EYS: variants seen among roughly 807,000 people sequenced by gnomAD.
EYS encodes the protein EGF-like photoreceptor maintenance factor.
In EYS, 250 loss-of-function variants were observed where a neutral mutation model predicts 282.1. The ratio of observed to expected loss-of-function variants is 0.89; its 90% CI spans 0.80 to 0.98. EYS has a LOEUF of 0.98. EYS is among the 50% of genes least tolerant of loss of function. The pLI, the probability that EYS is intolerant of heterozygous loss-of-function variation, is 0.00. For synonymous variants in EYS, 1,355 were observed against 1,282.9 expected (o/e 1.06, Z -1.20); for missense variants, 4,016 against 3,709.0 (o/e 1.08, Z -2.15).
chr6:64,557,623 C>A (rs1765272299), intron 26 of EYS, among the ~76,000 whole-genome samples: 1 of 151,730 alleles, frequency 6.6e-6, no homozygotes, highest in Non-Finnish European at 1.5e-5. Flanking sequence ...ATAAAATAAA[C>A]CACAGTGATA....
At chr6:63,801,934 T>A (rs1770791555) in intron 37 of EYS, among the ~76,000 whole-genome samples, 2 of 152,180 alleles carry the variant, frequency 1.3e-5, no homozygotes, top group South Asian at 4.1e-4. Flanking sequence ...ACTTTGTGCA[T>A]CTCTTCACCT....
At chr6:65,376,368 T>A (rs1765364519) in intron 8 of EYS, among the ~76,000 whole-genome samples, 1 of 152,072 alleles carries the variant, frequency 6.6e-6, no homozygotes, top group Admixed American at 6.6e-5. Context: ...CAAGAACTCC[T>A]GAAGGGAGTA....
At chr6:64,224,403 C>G (rs1766196082) in intron 31 of EYS, among the ~76,000 whole-genome samples, 1 of 151,932 alleles carries the variant, frequency 6.6e-6, no homozygotes, top group Admixed American at 6.6e-5. Context: ...TGATTGAAAA[C>G]CATTCTAATG....
At chr6:64,745,735 G>A (rs1436746792) in intron 22 of EYS, among the ~76,000 whole-genome samples, 3 of 152,068 alleles carry the variant, frequency 2.0e-5, no homozygotes, top group Non-Finnish European at 2.9e-5. Flanking sequence ...AATTTCTTAT[G>A]GTTTTTGAAA....
chr6:64,061,859 G>A (rs1006567056), intron 33 of EYS, among the ~76,000 whole-genome samples: 8 of 151,676 alleles, frequency 5.3e-5, no homozygotes, highest in African/African-American at 1.9e-4. Flanking sequence ...GTGTGGGGAC[G>A]CACGCCTGTA....
chr6:64,608,327 G>A (rs1766998929), intron 24 of EYS, among the ~76,000 whole-genome samples: 1 of 152,124 alleles, frequency 6.6e-6, no homozygotes, highest in Non-Finnish European at 1.5e-5. Context: ...ACCAGAGAGG[G>A]AGAAGGGAAT....
intron 30 of EYS, among the ~76,000 whole-genome samples, chr6:64,272,362 A>G (rs1469853795): frequency 6.6e-6 from 1 of 152,132 alleles, no homozygotes; most frequent in Non-Finnish European, 1.5e-5. Context: ...TAGTTTCTTC[A>G]TAGTGTTGAT....
intron 22 of EYS, among the ~76,000 whole-genome samples, chr6:64,627,142 C>A (rs1463358667): frequency 6.6e-6 from 1 of 152,132 alleles, no homozygotes; most frequent in East Asian, 1.9e-4. Flanking sequence ...TTGTCGAGTG[C>A]CTACAACATG....
chr6:65,018,074 A>T (rs1772112624), intron 13 of EYS, among the ~76,000 whole-genome samples: 2 of 152,208 alleles, frequency 1.3e-5, no homozygotes, highest in South Asian at 4.1e-4. Context: ...TCTACTTTTG[A>T]CTAGAAATGA....
intron 12 of EYS, among the ~76,000 whole-genome samples, chr6:65,145,190 A>G (rs529987133): frequency 1.3e-5 from 2 of 152,192 alleles, no homozygotes; most frequent in South Asian, 4.1e-4. Context: ...GATTTTATTC[A>G]CTTAATATCT....
intron 36 of EYS, chr6:63,806,805 C>G (rs1056720268): frequency 2.6e-5 from 4 of 152,644 alleles, no homozygotes; most frequent in African/African-American, 9.7e-5. Context: ...AATCCTGCAC[C>G]TTTATCTGAG....
chr6:64,026,990 C>A (rs113937298), intron 33 of EYS, among the ~76,000 whole-genome samples: 1 of 152,146 alleles, frequency 6.6e-6, no homozygotes, highest in Non-Finnish European at 1.5e-5. Context: ...AGAGATGTCA[C>A]GCTACCGTTA....
chr6:64,755,539 C>CACAT (rs1247080300), intron 22 of EYS, among the ~76,000 whole-genome samples: 2 of 148,510 alleles, frequency 1.3e-5, no homozygotes, highest in African/African-American at 5.0e-5. Context: ...CACACACACA[C>CACAT]ACACACGGAA....
chr6:64,448,761 TC>T (rs2150475145), intron 26 of EYS, among the ~76,000 whole-genome samples: 1 of 152,282 alleles, frequency 6.6e-6, no homozygotes, highest in South Asian at 2.1e-4. Flanking sequence ...GGAGTGGACC[TC>T]CAGTAAACTC....
At chr6:64,160,840 A>G (rs2150300891) in intron 31 of EYS, among the ~76,000 whole-genome samples, 1 of 152,138 alleles carries the variant, frequency 6.6e-6, no homozygotes, top group Non-Finnish European at 1.5e-5. Context: ...CTTGGGGTCC[A>G]CTCCCAGATT....
chr6:65,608,570 C>T (rs1765884297), intron 2 of EYS, among the ~76,000 whole-genome samples: 1 of 151,970 alleles, frequency 6.6e-6, no homozygotes, highest in Non-Finnish European at 1.5e-5. Context: ...GATAAATTAA[C>T]TCACCATAAC....
chr6:65,441,583 T>C (rs1165107598), intron 5 of EYS, among the ~76,000 whole-genome samples: 2 of 151,482 alleles, frequency 1.3e-5, no homozygotes, highest in African/African-American at 4.8e-5. Context: ...ATCAAAAAGA[T>C]TATGTTAATA....
Position 64,415,376 on chromosome 6 carries a change from A to T in EYS, c.5927+20798T>A, listed in dbSNP as rs375049898. Among the ~76,000 whole-genome samples the T allele has an allele frequency of 2.0e-5, 3 of 152,196 alleles. No individual in the cohort carries two copies. The South Asian group carries it at 6.2e-4, about 31-fold the overall frequency. On this transcript the variant is annotated intron_variant, in intron 28 of 42. Coordinates refer to ENST00000503581, the MANE Select transcript of EYS (RefSeq NM_001142800.2). ...CAATTCTGCTTTTTGTGATGCTCTAAAAAACAATAAATGTTTTATTCAAAC... is the reference window on the plus strand; with the variant it reads ...CAATTCTGCTTTTTGTGATGCTCTATAAAACAATAAATGTTTTATTCAAAC...
intron 26 of EYS, among the ~76,000 whole-genome samples, chr6:64,545,738 A>G (rs1201851241): frequency 2.6e-5 from 4 of 152,110 alleles, no homozygotes; most frequent in African/African-American, 9.7e-5. Context: ...CAGACACACA[A>G]AGAGCCAAAT....
Sources: allele counts gnomAD v4.1 joint callset (sites outside exome capture counted in the v4.1 genomes callset), GRCh38; gene constraint gnomAD v4.1.1; transcripts MANE v1.5; gene names NCBI Gene and HGNC (gene_info 2026-07-23, HGNC 2026-07-21).